PRCD: variants seen among roughly 807,000 people sequenced by gnomAD.
The protein encoded by PRCD is photoreceptor disk component PRCD.
In PRCD, 12 loss-of-function variants were observed where a neutral mutation model predicts 10.1. The ratio of observed to expected loss-of-function variants is 1.18; its 90% CI spans 0.76 to 1.92. PRCD has a LOEUF of 1.92. PRCD is among the 40% of genes most tolerant of loss of function. The pLI, the probability that PRCD is intolerant of heterozygous loss-of-function variation, is 0.00. For synonymous variants in PRCD, 31 were observed against 26.2 expected, an observed-to-expected ratio of 1.18 and a Z score of -0.56; for missense variants, 61 against 72.2, an observed-to-expected ratio of 0.84 and a Z score of 0.56.
At chr17:76,542,157 G>T (rs146940109) in intron 2 of PRCD, among the ~76,000 whole-genome samples, 1 of 152,084 alleles carries the variant, frequency 6.6e-6, no homozygotes, top group Non-Finnish European at 1.5e-5. Context: ...GCTCAGGCCC[G>T]ATTCCAGGCA....
Position 76,531,399 on chromosome 17 carries a change from G to T in PRCD, n.45+3566G>T. ...TCCAGAGAGCCGTCGCAGAGCCTGC[G>T]AGCTGCAGATGGCCATGACGCGTGG... On this transcript the variant is annotated intron_variant and non_coding_transcript_variant, in intron 1 of 4. Transcript: ENST00000397633. The surrounding 1 kb of genome is among the most constrained non-coding windows in gnomAD (Gnocchi z 7.4). The T allele has an allele frequency of 6.4e-7, 1 of 1,557,106 alleles. No individual in the cohort carries two copies. The highest frequency in any genetic ancestry group is 1.2e-5 in the South Asian group (1 of 86,346).
Position 76,545,209 on chromosome 17 carries a change from C to G in PRCD, c.*1559C>G, listed in dbSNP as rs957247324. The stretch of plus-strand genomic sequence containing the variant: ...CTGCGCAGTCTGCACATTTGCAGCT[C>G]CTGCTGCAGAAAGTTACCTCTCTCA... On this transcript the variant is annotated 3_prime_UTR_variant, in exon 5 of 5. Transcript: ENST00000592014. The G allele has an allele frequency of 2.2e-6, 1 of 456,800 alleles. No individual in the cohort carries two copies. Among genetic ancestry groups the G allele is most frequent in the Admixed American group, 2.3e-5 (1 of 42,594 alleles). 28.3% of individuals were successfully genotyped at this position (456,800 alleles called of 1,614,324 possible). A position where few individuals can be genotyped will look rare whatever the true frequency, so the allele number is the denominator to read the frequency against.
At chr17:76,548,495 A>C (rs2075078195), downstream of PRCD, among the ~76,000 whole-genome samples, 1 of 152,204 alleles carries the variant, frequency 6.6e-6, no homozygotes, top group South Asian at 2.1e-4. Flanking sequence ...GTCCTATAGG[A>C]AGGCCCCAGC....
chr17:76,534,029 C>A (rs1372090176), intron 1 of PRCD, among the ~76,000 whole-genome samples: 1 of 152,126 alleles, frequency 6.6e-6, no homozygotes, highest in Non-Finnish European at 1.5e-5. Flanking sequence ...CAGAGCAAGA[C>A]CCTGACAAAA....
At chr17:76,536,184 C>T (rs368200033), upstream of PRCD, among the ~76,000 whole-genome samples, 4 of 152,186 alleles carry the variant, frequency 2.6e-5, no homozygotes, top group Admixed American at 6.5e-5. Flanking sequence ...TCCTCAGGAG[C>T]GCTCCTCTAA....
chr17:76,541,650 C>T (rs536541070), intron 2 of PRCD, among the ~76,000 whole-genome samples: 1 of 152,324 alleles, frequency 6.6e-6, no homozygotes, highest in African/African-American at 2.4e-5. Context: ...CTCGATAGGC[C>T]AGCTGGCATC....
In PRCD at chr17:76,528,465, G is replaced by T; in HGVS notation, n.45+632G>T. On this transcript the variant is annotated intron_variant and non_coding_transcript_variant, in intron 1 of 4. Transcript: ENST00000397633. The surrounding 1 kb of genome is among the most constrained non-coding windows in gnomAD (Gnocchi z 5.8). ...CAGAGGCCTCCTTCGGGGAAGTTGA[G>T]TCAGGGATTCCTCCAGCTTCCTTGG... is the stretch of plus-strand genomic sequence containing the variant. 9.7e-7 allele frequency: 1 copy of T among 1,026,242 alleles called. No individual in the cohort carries two copies. 63.6% of individuals were successfully genotyped at this position (1,026,242 alleles called of 1,614,324 possible). A position where few individuals can be genotyped will look rare whatever the true frequency, so the allele number is the denominator to read the frequency against.
upstream of PRCD, chr17:76,537,379 G>A: frequency 1.9e-6 from 3 of 1,575,132 alleles, no homozygotes; most frequent in South Asian, 1.1e-5. Flanking sequence ...CCAGGGCCCG[G>A]CCGGGCCGGG....
At chr17:76,538,289 A>G, upstream of PRCD, 1 of 193,678 alleles carries the variant, frequency 5.2e-6, no homozygotes, top group South Asian at 5.7e-5. Flanking sequence ...CCGCGGCGCC[A>G]CTCCCACGGC....
At position 76,531,220 on chromosome 17, in the gene PRCD, G is replaced by A. The variant is rs927145741; in HGVS notation, n.45+3387G>A. The A allele has an allele frequency of 4.1e-6, 6 of 1,448,632 alleles. No homozygotes were observed. The highest frequency in any genetic ancestry group is 2.0e-5 in the Admixed American group (1 of 50,972). The allele number at this position is 1,448,632 out of a possible 1,614,324, so 89.7% of individuals were successfully genotyped here. A position where few individuals can be genotyped will look rare whatever the true frequency, so the allele number is the denominator to read the frequency against. On this transcript the variant is annotated intron_variant and non_coding_transcript_variant, in intron 1 of 4. Coordinates refer to the PRCD transcript ENST00000397633. This position sits in a 1 kb window ranked among gnomAD's most constrained non-coding sequence, Gnocchi z 7.4. ...CAACCCCCAGGCCCCTCCGCCCCAC[G>A]TGTGGCCGAGAGGATCATTCCTAAC...
chr17:76,530,142 G>GAATGTTTCTC lies in PRCD; in HGVS notation n.45+2309_45+2310insAATGTTTCTC. Reference sequence around the variant, plus strand: ...CCACGGGAATGTTTCTCTACCACGCGTGTCCCGGGCTGCTGGCTGACCTCT... The same window carrying GAATGTTTCTC: ...CCACGGGAATGTTTCTCTACCACGCGAATGTTTCTCTGTCCCGGGCTGCTGGCTGACCTCT... On this transcript the variant is annotated intron_variant and non_coding_transcript_variant, in intron 1 of 4. Transcript: ENST00000397633. This position sits in a 1 kb window ranked among gnomAD's most constrained non-coding sequence, Gnocchi z 6.1. 13 of 965,464 alleles carry GAATGTTTCTC rather than the reference G, an allele frequency of 1.3e-5. No homozygotes were observed. Among genetic ancestry groups the GAATGTTTCTC allele is most frequent in the South Asian group, 9.6e-5 (2 of 20,892 alleles). 59.8% of individuals were successfully genotyped at this position (965,464 alleles called of 1,614,324 possible). A position where few individuals can be genotyped will look rare whatever the true frequency, so the allele number is the denominator to read the frequency against.
chr17:76,551,427 C>T (rs772410146), intron 1 of PRCD: 1 of 152,192 alleles, frequency 6.6e-6, no homozygotes, highest in African/African-American at 2.4e-5. Context: ...TCAAATGCAT[C>T]GCTTTTTTTC....
At chr17:76,551,214 A>G (rs1236810604) in intron 1 of PRCD, 1 of 152,246 alleles carries the variant, frequency 6.6e-6, no homozygotes, top group African/African-American at 2.4e-5. Context: ...CTTTCAAGGC[A>G]ACAGGAACAA....
At chr17:76,535,464 G>A (rs1438615275), upstream of PRCD, among the ~76,000 whole-genome samples, 2 of 152,168 alleles carry the variant, frequency 1.3e-5, no homozygotes, top group East Asian at 1.9e-4. Flanking sequence ...AGAGACAGGA[G>A]GAGAGAAAAA....
upstream of PRCD, chr17:76,538,421 C>T (rs1203205660): frequency 2.2e-6 from 1 of 446,128 alleles, no homozygotes. Context: ...GCCCCCTCTC[C>T]TTCCGCCCAG....
In PRCD at chr17:76,543,920, G is replaced by GA; in HGVS notation, c.*272dup. 1 of 470,692 alleles carries GA rather than the reference G, an allele frequency of 2.1e-6. No individual in the cohort carries two copies. The highest frequency in any genetic ancestry group is 4.4e-6 in the Non-Finnish European group (1 of 227,068). The allele number at this position is 470,692 out of a possible 1,614,324, so 29.2% of individuals were successfully genotyped here. ...GGGAGCAACGGACAGCTTGTCCTCCGAATGTGTTTTCTGTATGTGTGCAAG... is the reference window on the plus strand; with the variant it reads ...GGGAGCAACGGACAGCTTGTCCTCCGAAATGTGTTTTCTGTATGTGTGCAAG... On this transcript the variant is annotated 3_prime_UTR_variant, in exon 5 of 5. Transcript: ENST00000592014.
intron 1 of PRCD, chr17:76,550,915 G>C (rs1364363629): frequency 6.6e-6 from 1 of 152,228 alleles, no homozygotes; most frequent in Non-Finnish European, 1.5e-5. Context: ...ACGAAGTCCC[G>C]TGATGTTTGG....
chr17:76,548,911 G>T (rs917623557), downstream of PRCD, among the ~76,000 whole-genome samples: 1 of 152,178 alleles, frequency 6.6e-6, no homozygotes, highest in African/African-American at 2.4e-5. Context: ...ACAGTTCCCT[G>T]ACTGTGCCTT....
At chr17:76,537,562 C>T (rs749059428), upstream of PRCD, 5 of 1,356,128 alleles carry the variant, frequency 3.7e-6, no homozygotes, top group Middle Eastern at 2.0e-4. Context: ...CAAGCCCAGC[C>T]CGGCTTTGCT....
Sources: allele counts gnomAD v4.1 joint callset (sites outside exome capture counted in the v4.1 genomes callset), GRCh38; gene constraint gnomAD v4.1.1; non-coding constraint Gnocchi (gnomAD v3.1); transcripts MANE v1.5; gene names NCBI Gene and HGNC (gene_info 2026-07-23, HGNC 2026-07-21).